GPC5: variants seen among roughly 807,000 people sequenced by gnomAD.
The protein encoded by GPC5 is glypican 5.
A neutral mutation model predicts 53.9 loss-of-function variants in GPC5; 47 were observed. The observed-to-expected ratio is 0.87, with a 90% confidence interval of 0.69 to 1.11. GPC5 has a LOEUF of 1.11. GPC5 is among the 50% of genes most tolerant of loss of function. The pLI, the probability that GPC5 is intolerant of heterozygous loss-of-function variation, is 0.00. For synonymous variants in GPC5, 286 were observed against 263.3 expected (o/e 1.09, Z -0.84); for missense variants, 748 against 713.1 (o/e 1.05, Z -0.56).
chr13:91,487,078 A>G (rs1883647059), intron 2 of GPC5, among the ~76,000 whole-genome samples: 2 of 152,198 alleles, frequency 1.3e-5, no homozygotes, highest in Admixed American at 6.5e-5. Context: ...TTGAGGAGGG[A>G]AAGTTTCCTC....
At chr13:92,492,762 A>C (rs1218162923) in intron 7 of GPC5, among the ~76,000 whole-genome samples, 1 of 152,206 alleles carries the variant, frequency 6.6e-6, no homozygotes, top group African/African-American at 2.4e-5. Flanking sequence ...TTGAATCTTG[A>C]AACAATTTTT....
At chr13:91,959,720 A>G (rs1468345377) in intron 6 of GPC5, among the ~76,000 whole-genome samples, 1 of 152,012 alleles carries the variant, frequency 6.6e-6, no homozygotes, top group Admixed American at 6.6e-5. Flanking sequence ...ATAACATAAG[A>G]TTTCATATTG....
At chr13:92,515,461 G>A (rs16947733) in intron 7 of GPC5, among the ~76,000 whole-genome samples, 1,662 of 152,236 alleles carry the variant, frequency 0.011, 35 homozygotes, top group African/African-American at 0.037. Flanking sequence ...CACCAGTATG[G>A]TATGAAGTTC....
intron 7 of GPC5, among the ~76,000 whole-genome samples, chr13:92,775,989 T>A (rs553314501): frequency 6.6e-6 from 1 of 152,360 alleles, no homozygotes; most frequent in African/African-American, 2.4e-5. Context: ...TCTTGGAGTT[T>A]ACATGTTGGA....
intron 6 of GPC5, among the ~76,000 whole-genome samples, chr13:91,990,170 T>C (rs1300216602): frequency 6.6e-6 from 1 of 152,226 alleles, no homozygotes; most frequent in Non-Finnish European, 1.5e-5. Context: ...TATAGCTATT[T>C]TCACAACAGT....
At chr13:91,490,550 G>T (rs1033041507) in intron 2 of GPC5, among the ~76,000 whole-genome samples, 1 of 152,106 alleles carries the variant, frequency 6.6e-6, no homozygotes. Context: ...GTGAGTATTA[G>T]TTAAGCAATA....
chr13:92,498,207 G>C (rs1381073598), intron 7 of GPC5, among the ~76,000 whole-genome samples: 1 of 151,980 alleles, frequency 6.6e-6, no homozygotes, highest in African/African-American at 2.4e-5. Context: ...TGACCTTTTG[G>C]GGTTTTATAC....
intron 6 of GPC5, among the ~76,000 whole-genome samples, chr13:92,125,922 TGG>T (rs377539994): frequency 0.12 from 6,446 of 53,544 alleles, 510 homozygotes; most frequent in East Asian, 0.57. Context: ...ATTTGTTTTT[TGG>T]TTTTTTTTTT....
At chr13:91,804,153 T>C (rs2038182866) in intron 5 of GPC5, among the ~76,000 whole-genome samples, 3 of 152,208 alleles carry the variant, frequency 2.0e-5, no homozygotes, top group Admixed American at 6.5e-5. Flanking sequence ...CCTTGTACCA[T>C]GAACAAAATA....
chr13:92,845,920 T>A (rs1878596878), intron 7 of GPC5, among the ~76,000 whole-genome samples: 1 of 152,184 alleles, frequency 6.6e-6, no homozygotes, highest in South Asian at 2.1e-4. Context: ...AAATCAGTTT[T>A]CTAAACTGGG....
intron 6 of GPC5, among the ~76,000 whole-genome samples, chr13:92,031,760 C>CATATTATATATAATATATAATATATTAT (rs2040847758): frequency 2.9e-5 from 1 of 33,936 alleles, no homozygotes; most frequent in Non-Finnish European, 5.2e-5. Flanking sequence ...TATTATATTA[C>CATATTATATATAATATATAATATATTAT]ATATTATATA....
intron 6 of GPC5, among the ~76,000 whole-genome samples, chr13:92,071,176 C>T (rs555895066): frequency 3.9e-5 from 6 of 152,118 alleles, no homozygotes; most frequent in Admixed American, 2.0e-4. Flanking sequence ...GCAGAGGCTG[C>T]GGTGAACCAA....
intron 2 of GPC5, among the ~76,000 whole-genome samples, chr13:91,519,660 C>T (rs1885700337): frequency 6.6e-6 from 1 of 152,134 alleles, no homozygotes; most frequent in Non-Finnish European, 1.5e-5. Context: ...TATAAATTAT[C>T]CAGTCTCAGG....
chr13:92,827,012 C>T (rs1205861062), intron 7 of GPC5, among the ~76,000 whole-genome samples: 2 of 152,006 alleles, frequency 1.3e-5, no homozygotes, highest in African/African-American at 4.8e-5. Flanking sequence ...GAGGTAAATC[C>T]TTGCTTTTCA....
At chr13:91,983,553 C>T (rs569297699) in intron 6 of GPC5, among the ~76,000 whole-genome samples, 28 of 152,252 alleles carry the variant, frequency 1.8e-4, no homozygotes, top group African/African-American at 6.7e-4. Context: ...TCCAGGACAT[C>T]CACAATCGTC....
intron 7 of GPC5, among the ~76,000 whole-genome samples, chr13:92,831,098 A>G (rs1249032400): frequency 6.6e-6 from 1 of 152,100 alleles, no homozygotes; most frequent in Non-Finnish European, 1.5e-5. Flanking sequence ...ATTTTGTGTT[A>G]GCAAATAACA....
chr13:92,705,806 C>T (rs1176289747), intron 7 of GPC5, among the ~76,000 whole-genome samples: 1 of 151,966 alleles, frequency 6.6e-6, no homozygotes, highest in Admixed American at 6.6e-5. Flanking sequence ...CAATAAAGGG[C>T]TGGGCACAGT....
At chr13:91,566,131 C>A (rs1270571409) in intron 2 of GPC5, among the ~76,000 whole-genome samples, 1 of 152,150 alleles carries the variant, frequency 6.6e-6, no homozygotes, top group Non-Finnish European at 1.5e-5. Flanking sequence ...CATGTGTAGG[C>A]TTCAAGTGGA....
At chr13:91,640,552 T>C (rs1203753985) in intron 2 of GPC5, among the ~76,000 whole-genome samples, 1 of 152,184 alleles carries the variant, frequency 6.6e-6, no homozygotes, top group Non-Finnish European at 1.5e-5. Context: ...TGTTCAACCA[T>C]TGTGGAAGAT....
Sources: allele counts gnomAD v4.1 joint callset (sites outside exome capture counted in the v4.1 genomes callset), GRCh38; gene constraint gnomAD v4.1.1; transcripts MANE v1.5; gene names NCBI Gene and HGNC (gene_info 2026-07-23, HGNC 2026-07-21).